PPP2R1B: variants seen among roughly 807,000 people sequenced by gnomAD.
PPP2R1B encodes protein phosphatase 2 scaffold subunit Abeta.
Under a neutral mutation model 72.7 loss-of-function variants are expected in PPP2R1B, and 58 were observed. The observed-to-expected ratio is 0.80, with a 90% CI of 0.65 to 0.99. The LOEUF (loss-of-function observed/expected upper bound fraction) is 0.99, where lower values mean the gene tolerates loss of function less well. PPP2R1B is among the 50% of genes least tolerant of loss of function. The probability of loss-of-function intolerance (pLI) is 0.00; values close to 1 mark genes in which losing one functional copy is unlikely to be tolerated. For missense variants in PPP2R1B, 695 were observed against 733.6 expected (o/e 0.95, Z 0.61); for synonymous variants, 256 against 264.6 (o/e 0.97, Z 0.32).
At position 111,738,445 on chromosome 11, in the gene PPP2R1B, ACAAAG is replaced by A; in HGVS notation, c.*3146_*3150del. 3.0e-6 allele frequency: 3 copies of A among 985,480 alleles called. No homozygotes were observed. The highest frequency in any genetic ancestry group is 3.6e-6 in the Non-Finnish European group (3 of 829,954). 61.0% of individuals were successfully genotyped at this position (985,480 alleles called of 1,614,324 possible). On this transcript the variant is annotated 3_prime_UTR_variant, in exon 15 of 15. Transcript: ENST00000527614. ...CAGTTTAGTGACAACACAACAGTTA[ACAAAG>A]GAACAAAAGTGCACCAGGTTAACCG...
chr11:111,693,239 GGA>G, the PPP2R1B span, among the ~76,000 whole-genome samples: 4 of 151,948 alleles, frequency 2.6e-5, no homozygotes, highest in African/African-American at 4.8e-5. Context: ...GGCTGAGGCA[GGA>G]GAGAATCGCT....
the PPP2R1B span, among the ~76,000 whole-genome samples, chr11:111,707,352 C>T: frequency 5.9e-5 from 9 of 152,178 alleles, no homozygotes; most frequent in Non-Finnish European, 7.3e-5. Flanking sequence ...GCAAATTCCC[C>T]GGCATATCTC....
At chr11:111,704,179 C>T in the PPP2R1B span, among the ~76,000 whole-genome samples, 2 of 152,144 alleles carry the variant, frequency 1.3e-5, no homozygotes, top group African/African-American at 2.4e-5. Flanking sequence ...CACTTTGCGC[C>T]CAGTGATGTT....
At chr11:111,757,832 T>A (rs1338323385) in intron 5 of PPP2R1B, among the ~76,000 whole-genome samples, 2 of 140,174 alleles carry the variant, frequency 1.4e-5, no homozygotes, top group Non-Finnish European at 1.5e-5. Context: ...TGAAACTCCA[T>A]CTCAAAAAAA....
At chr11:111,744,064 G>T (rs991706745) in intron 11 of PPP2R1B, among the ~76,000 whole-genome samples, 2 of 152,176 alleles carry the variant, frequency 1.3e-5, no homozygotes, top group Non-Finnish European at 2.9e-5. Flanking sequence ...CCTAGAAAGG[G>T]TAAAGACATG....
chr11:111,757,979 T>A (rs1945186189), intron 5 of PPP2R1B, among the ~76,000 whole-genome samples: 1 of 152,208 alleles, frequency 6.6e-6, no homozygotes, highest in South Asian at 2.1e-4. Context: ...GAGATCTTGA[T>A]TCCTCTCCCA....
the PPP2R1B span, among the ~76,000 whole-genome samples, chr11:111,710,298 ATTTC>A: frequency 1.3e-5 from 2 of 152,274 alleles, no homozygotes; most frequent in South Asian, 2.1e-4. Flanking sequence ...AAGGAAAGCT[ATTTC>A]TTTATCACAC....
intron 1 of PPP2R1B, among the ~76,000 whole-genome samples, chr11:111,765,646 G>C (rs1469874246): frequency 1.3e-5 from 2 of 152,208 alleles, no homozygotes. Context: ...ACAACACCTA[G>C]GAAGTAAGAT....
In PPP2R1B at chr11:111,761,243, G is replaced by A. The variant is rs1945315736; in HGVS notation, c.307-192C>T. On this transcript the variant is annotated intron_variant, in intron 3 of 14. Transcript: ENST00000527614. ...CGGCCAACCCAAAGACACGACTTCT[G>A]TAGAAAAGCCAAGATCTCGTGTCCC... 5 of 689,390 alleles carry A rather than the reference G, an allele frequency of 7.3e-6. No individual in the cohort carries two copies. The South Asian group carries it at 7.5e-5, about 10-fold the overall frequency. 42.7% of individuals were successfully genotyped at this position (689,390 alleles called of 1,614,324 possible).
chr11:111,748,456 T>C (rs929907314), intron 10 of PPP2R1B, among the ~76,000 whole-genome samples: 1 of 152,314 alleles, frequency 6.6e-6, no homozygotes, highest in Middle Eastern at 3.4e-3. Flanking sequence ...CCTCAAGACA[T>C]AGAGATATCC....
chr11:111,723,919 T>C (rs1229897336), downstream of PPP2R1B: 1 of 1,610,278 alleles, frequency 6.2e-7, no homozygotes, highest in Non-Finnish European at 8.5e-7. Flanking sequence ...CTGCTTCCCC[T>C]GCGCCAGACT....
At position 111,754,571 on chromosome 11, in the gene PPP2R1B, TA is replaced by T; in HGVS notation, c.959-3del. The T allele has an allele frequency of 1.3e-6, 2 of 1,597,808 alleles. No individual in the cohort carries two copies. Among genetic ancestry groups the T allele is most frequent in the Non-Finnish European group, 1.7e-6 (2 of 1,176,388 alleles). ...CAATGGGCAAGTTCTCACCAAGTTC[TA>T]AAAGATAAATAGAAAAAAAGAATGC... On this transcript the variant is annotated splice_region_variant and splice_polypyrimidine_tract_variant and intron_variant, in intron 7 of 14. Transcript: ENST00000527614.
At position 111,739,347 on chromosome 11, in the gene PPP2R1B, T is replaced by TAAA; in HGVS notation, c.*2246_*2248dup. On this transcript the variant is annotated 3_prime_UTR_variant, in exon 15 of 15. Transcript: ENST00000527614. Reference sequence around the variant, plus strand: ...ACTTTTCCCTTAAGTTTAAGGTAGTTAAAAAAAAAAATAGGAGAACTAATT... The same window carrying TAAA: ...ACTTTTCCCTTAAGTTTAAGGTAGTTAAAAAAAAAAAAAATAGGAGAACTAATT... 1 of 929,570 alleles carries TAAA rather than the reference T, an allele frequency of 1.1e-6. No individual in the cohort carries two copies. The highest frequency in any genetic ancestry group is 1.3e-6 in the Non-Finnish European group (1 of 780,762). 57.6% of individuals were successfully genotyped at this position (929,570 alleles called of 1,614,324 possible).
At position 111,738,486 on chromosome 11, in the gene PPP2R1B, A is replaced by G. The variant is rs1294701596; in HGVS notation, c.*3110T>C. 1.0e-6 allele frequency: 1 copy of G among 985,354 alleles called. No individual in the cohort carries two copies. The highest frequency in any genetic ancestry group is 1.2e-6 in the Non-Finnish European group (1 of 829,962). The allele number at this position is 985,354 out of a possible 1,614,324, so 61.0% of individuals were successfully genotyped here. On this transcript the variant is annotated 3_prime_UTR_variant, in exon 15 of 15. Transcript: ENST00000527614. ...GCACCAGGTTAACCGCCGGGTCAGG[A>G]AGGACAGGCTTGCTTCCCTGGAAGT...
the PPP2R1B span, among the ~76,000 whole-genome samples, chr11:111,713,388 G>A: frequency 9.2e-4 from 140 of 152,258 alleles, no homozygotes; most frequent in Middle Eastern, 3.4e-3. Flanking sequence ...CCTCCTCTTA[G>A]TGTGAACTTG....
chr11:111,701,419 G>A, the PPP2R1B span: 1 of 1,600,896 alleles, frequency 6.2e-7, no homozygotes, highest in Non-Finnish European at 8.5e-7. The surrounding 1 kb of genome is among the most constrained non-coding windows in gnomAD (Gnocchi z 4.2). Flanking sequence ...GACGTTCTTG[G>A]TAGAAAAGTC....
rs1319020525 is a variant in PPP2R1B at position 111,765,234 on chromosome 11, T to C, written c.205+60A>G. 3.4e-6 allele frequency: 5 copies of C among 1,468,694 alleles called. No homozygotes were observed. In the African/African-American group the frequency reaches 7.1e-5, roughly 21 times the overall value. The allele number at this position is 1,468,694 out of a possible 1,614,324, so 91.0% of individuals were successfully genotyped here. ...GGGTAATAAACTCTAAAAAAGTCAG[T>C]GTTGAAAGCTACTGGAAAATGGAAT... On this transcript the variant is annotated intron_variant, in intron 2 of 14. Transcript: ENST00000527614.
intron 3 of PPP2R1B, among the ~76,000 whole-genome samples, chr11:111,762,863 C>A (rs1945378272): frequency 1.3e-5 from 2 of 152,128 alleles, no homozygotes; most frequent in African/African-American, 2.4e-5. Flanking sequence ...TTGAACCCAG[C>A]CTGTTTCATG....
chr11:111,754,473 G>A lies in PPP2R1B; in HGVS notation c.1029+26C>T, dbSNP rs370761720. 1.0e-3 allele frequency: 1,598 copies of A among 1,585,808 alleles called. 3 individuals carry two copies. The highest frequency in any genetic ancestry group is 1.3e-3 in the Non-Finnish European group (1,473 of 1,172,756). On this transcript the variant is annotated intron_variant, in intron 8 of 14. Transcript: ENST00000527614. ...AAGGTTTACCTTCATATAAAAGAGAGTGAAACAAAATAAAGTCAGGTTTAC... is the reference window on the plus strand; with the variant it reads ...AAGGTTTACCTTCATATAAAAGAGAATGAAACAAAATAAAGTCAGGTTTAC...
Sources: gnomAD v4.1 joint callset for allele counts (sites outside exome capture counted in the v4.1 genomes callset) on GRCh38, gnomAD v4.1.1 for gene constraint, Gnocchi (gnomAD v3.1) non-coding constraint, MANE v1.5 for transcripts, NCBI Gene and HGNC (gene_info 2026-07-23, HGNC 2026-07-21) for gene names.